DNAH17: variants seen among roughly 807,000 people sequenced by gnomAD.
The protein encoded by DNAH17 is dynein axonemal heavy chain 17.
DNAH17 carries 376 observed loss-of-function variants against 485.6 expected under a neutral mutation model. That is an observed-to-expected ratio of 0.77 (90% CI 0.71 to 0.84). The LOEUF is 0.84. Ranked by LOEUF, DNAH17 falls within the 40% of genes least tolerant of loss-of-function variation. The probability of loss-of-function intolerance (pLI) is 0.00; values close to 1 mark genes in which losing one functional copy is unlikely to be tolerated. For missense variants in DNAH17, 6,370 were observed against 5,839.3 expected (o/e 1.09, Z -2.96); for synonymous variants, 3,031 against 2,405.9 (o/e 1.26, Z -7.60).
chr17:78,484,412 T>C (rs140827685), intron 48 of DNAH17, among the ~76,000 whole-genome samples: 2 of 152,240 alleles, frequency 1.3e-5, no homozygotes, highest in African/African-American at 4.8e-5. Context: ...AGCTTCCAGC[T>C]GTGCACCATC....
rs749354917 is a variant in DNAH17, at chr17:78,454,659, G to A, written c.10217C>T (p.Thr3406Ile). The change falls in exon 64 of 81, where the codon ACA (threonine) becomes ATA (isoleucine). Residue 3406 changes from threonine to isoleucine, a missense_variant. Thr to Ile is a moderately conservative substitution (Grantham distance 89). Transcript: ENST00000389840. Reference protein sequence around the residue: ...TNGLDPLSLLTDDADVATWNN... With the variant: ...TNGLDPLSLLIDDADVATWNN... ...CCAGGTGGCCACGTCCGCGTCATCTGTCAGCAGGCTCAAGGGATCCAGGCC... is the reference window on the plus strand; with the variant it reads ...CCAGGTGGCCACGTCCGCGTCATCTATCAGCAGGCTCAAGGGATCCAGGCC... 4 of 1,613,164 alleles carry A rather than the reference G, an allele frequency of 2.5e-6. No homozygotes were observed. Among genetic ancestry groups the A allele is most frequent in the Admixed American group, 3.3e-5 (2 of 60,028 alleles).
At chr17:78,455,336 T>C (rs900731943) in intron 63 of DNAH17, among the ~76,000 whole-genome samples, 2 of 152,024 alleles carry the variant, frequency 1.3e-5, no homozygotes, top group African/African-American at 4.8e-5. Context: ...CTCCATTTTT[T>C]TTTTTTTAAG....
rs2091174241 is a variant in DNAH17 at position 78,529,610 on chromosome 17, C to T, written c.3369G>A (p.Val1123=). 1.2e-6 allele frequency: 2 copies of T among 1,613,984 alleles called. No individual in the cohort carries two copies. The change falls in exon 22 of 81, where the codon GTG becomes GTA. Residue 1123 remains valine (V), a synonymous_variant. Transcript: ENST00000389840. ...PLKEGDYDGL[V]EVMGHLMKVK... is the part of the protein sequence containing the mutation. ...CTTTCATCAGGTGCCCCATCACCTC[C>T]ACAAGCCCATCATAGTCCCCCTCCT...
chr17:78,501,961 G>T, intron 33 of DNAH17, 88 bp from the exon 34 acceptor site: 1 of 1,552,152 alleles, frequency 6.4e-7, no homozygotes. Flanking sequence ...GCTGCATAGG[G>T]AACACCACCA....
chr17:78,552,700 C>T lies in DNAH17; in HGVS notation c.2284G>A (p.Glu762Lys), dbSNP rs774919407. 6.6e-5 allele frequency: 106 copies of T among 1,612,866 alleles called. No individual in the cohort carries two copies. The Middle Eastern group carries it at 6.6e-4, about 10-fold the overall frequency. The change falls in exon 15 of 81, where the codon GAA becomes AAA. Residue 762 changes from glutamate (E) to lysine (K), a missense_variant. Physicochemically the swap from Glu to Lys is moderately conservative, Grantham distance 56. Coordinates refer to ENST00000389840, the MANE Select transcript of DNAH17 (RefSeq NM_173628.4). ...GGGAGGAATGTGGCCTCCGTACCTTCGCCATTCCAGAATAATGTCGTTTCA... is the reference window on the plus strand; with the variant it reads ...GGGAGGAATGTGGCCTCCGTACCTTTGCCATTCCAGAATAATGTCGTTTCA... ...SAETTLFWNG[E>K]GVFQYIQEVR...
intron 51 of DNAH17, among the ~76,000 whole-genome samples, chr17:78,478,028 A>G (rs2089138333): frequency 2.2e-5 from 3 of 135,358 alleles, no homozygotes; most frequent in South Asian, 4.7e-4. Context: ...CATCACCACC[A>G]CCATCACACC....
rs193074611 is a variant in DNAH17 at position 78,543,728 on chromosome 17, T to C, written c.2532+129A>G. On this transcript the variant is annotated intron_variant, in intron 17 of 80. Coordinates refer to ENST00000389840, the MANE Select transcript of DNAH17 (RefSeq NM_173628.4). ...GTGAGAGCCACTGCATCCAGCCAGG[T>C]CACAGACTTCTATGACTACAAGAAA... 8.7e-5 allele frequency: 124 copies of C among 1,418,016 alleles called. No homozygotes were observed. In the Admixed American group the frequency reaches 1.0e-3, roughly 12 times the overall value. The allele number at this position is 1,418,016 out of a possible 1,614,324, so 87.8% of individuals were successfully genotyped here. A position where few individuals can be genotyped will look rare whatever the true frequency, so the allele number is the denominator to read the frequency against.
chr17:78,470,752 T>C (rs1158106018), intron 54 of DNAH17, among the ~76,000 whole-genome samples: 11 of 152,102 alleles, frequency 7.2e-5, no homozygotes, highest in Admixed American at 7.2e-4. Flanking sequence ...TTACCACATA[T>C]GCAAAAGGAA....
At chr17:78,501,112 C>T (rs754995337) in intron 35 of DNAH17, 72 bp downstream of exon 35, 61 of 1,474,524 alleles carry the variant, frequency 4.1e-5, no homozygotes, top group Non-Finnish European at 4.6e-5. Flanking sequence ...ACCTCCAAGT[C>T]GGACAGTTCC....
Position 78,552,801 on chromosome 17 carries a change from T to C in DNAH17, c.2183A>G (p.Lys728Arg). 1 of 1,606,284 alleles carries C rather than the reference T, an allele frequency of 6.2e-7. No homozygotes were observed. The highest frequency in any genetic ancestry group is 8.5e-7 in the Non-Finnish European group (1 of 1,172,926). ...AAATTCTACTGCCTTCACTATAGTC[T>C]TTATCTGAAAAACAGAGGTGACAGG... Reference protein sequence around the residue: ...ELIVGWYNEIKTIVKAVEFLL... With the variant: ...ELIVGWYNEIRTIVKAVEFLL... Residue 728 changes from lysine to arginine, a missense_variant, in exon 15 of 81, where the codon AAG (lysine) becomes AGG (arginine). Lys to Arg is a conservative substitution (Grantham distance 26). Transcript: ENST00000389840.
intron 22 of DNAH17, among the ~76,000 whole-genome samples, chr17:78,529,172 T>G (rs1321111312): frequency 6.6e-6 from 1 of 152,112 alleles, no homozygotes; most frequent in African/African-American, 2.4e-5. Flanking sequence ...AAACTCGAGC[T>G]CAGGCAATCT....
At chr17:78,565,599 G>A (rs145816475) in intron 11 of DNAH17, among the ~76,000 whole-genome samples, 3 of 152,274 alleles carry the variant, frequency 2.0e-5, no homozygotes, top group East Asian at 3.9e-4. Flanking sequence ...CAGGGGCCCT[G>A]GAAGCAGTCA....
intron 10 of DNAH17, 33 bp downstream of exon 10, chr17:78,566,966 G>A (rs1328671470): frequency 6.3e-7 from 1 of 1,588,490 alleles, no homozygotes. Flanking sequence ...TTCTCACCGA[G>A]TCCAGTTCAT....
chr17:78,542,906 G>A (rs1054060486), intron 17 of DNAH17, among the ~76,000 whole-genome samples: 1 of 152,188 alleles, frequency 6.6e-6, no homozygotes, highest in African/African-American at 2.4e-5. Context: ...TAAACACACG[G>A]TGCCCACCCT....
intron 31 of DNAH17, among the ~76,000 whole-genome samples, chr17:78,503,270 C>T (rs960919977): frequency 6.9e-6 from 1 of 145,404 alleles, no homozygotes. Flanking sequence ...AGCTCCACCT[C>T]CCGGGTTCAC....
chr17:78,469,168 G>C (rs1187391339), intron 54 of DNAH17, among the ~76,000 whole-genome samples: 2 of 151,800 alleles, frequency 1.3e-5, no homozygotes, highest in Non-Finnish European at 2.9e-5. Flanking sequence ...TTGAGACTGA[G>C]TCTCGCTCTG....
intron 19 of DNAH17, among the ~76,000 whole-genome samples, chr17:78,533,522 G>A (rs933732514): frequency 2.0e-5 from 3 of 152,144 alleles, no homozygotes; most frequent in African/African-American, 7.2e-5. Context: ...AGCACGAGAG[G>A]CCAGTGCTAT....
chr17:78,567,813 C>T (rs938591325), intron 9 of DNAH17, among the ~76,000 whole-genome samples: 1 of 152,154 alleles, frequency 6.6e-6, no homozygotes, highest in African/African-American at 2.4e-5. Context: ...ACGTTCAGGC[C>T]CATCCCGTTA....
At chr17:78,457,723 C>T (rs1399305506) in intron 62 of DNAH17, among the ~76,000 whole-genome samples, 5 of 146,954 alleles carry the variant, frequency 3.4e-5, no homozygotes, top group Admixed American at 7.0e-5. Flanking sequence ...TACAATGGCG[C>T]GATCTCGGCT....
Sources: allele counts gnomAD v4.1 joint callset (sites outside exome capture counted in the v4.1 genomes callset), GRCh38; gene constraint gnomAD v4.1.1; transcripts MANE v1.5; gene names NCBI Gene and HGNC (gene_info 2026-07-23, HGNC 2026-07-21).